Variants in DNAJC6 observed in about 807,000 individuals in gnomAD.
DNAJC6 encodes the protein DnaJ heat shock protein family (Hsp40) member C6.
In DNAJC6, 34 loss-of-function variants were observed where a neutral mutation model predicts 110.0. The observed-to-expected ratio is 0.31, with a 90% CI of 0.24 to 0.41. DNAJC6 has a LOEUF of 0.41. Ranked by LOEUF, DNAJC6 falls within the 10% of genes least tolerant of loss-of-function variation. The probability of loss-of-function intolerance (pLI) is 1.00; values close to 1 mark genes in which losing one functional copy is unlikely to be tolerated. For synonymous variants in DNAJC6, 406 were observed against 437.2 expected, an observed-to-expected ratio of 0.93 and a Z score of 0.89; for missense variants, 1,031 against 1,207.8, an observed-to-expected ratio of 0.85 and a Z score of 2.17.
intron 1 of DNAJC6, chr1:65,345,653 C>T (rs895947969): frequency 5.2e-6 from 5 of 965,524 alleles, no homozygotes; most frequent in Middle Eastern, 1.1e-3. Flanking sequence ...AAAAGTAACA[C>T]GTGGAGAGTC....
intron 14 of DNAJC6, among the ~76,000 whole-genome samples, chr1:65,399,141 A>G (rs566079192): frequency 6.6e-6 from 1 of 152,192 alleles, no homozygotes; most frequent in South Asian, 2.1e-4. Context: ...GGATATAAAT[A>G]TATATCAAAC....
At chr1:65,273,800 A>C (rs548326519) in intron 1 of DNAJC6, among the ~76,000 whole-genome samples, 6 of 152,072 alleles carry the variant, frequency 3.9e-5, no homozygotes, top group African/African-American at 1.2e-4. Context: ...TCTTTTTGCC[A>C]TTGATTTCTA....
chr1:65,378,520 T>C (rs1274860513), intron 4 of DNAJC6, among the ~76,000 whole-genome samples: 1 of 152,224 alleles, frequency 6.6e-6, no homozygotes, highest in Non-Finnish European at 1.5e-5. Flanking sequence ...TTCACCACAT[T>C]TTATGAAGAA....
chr1:65,379,775 A>C, intron 5 of DNAJC6: 1 of 330,056 alleles, frequency 3.0e-6, no homozygotes, highest in Non-Finnish European at 5.4e-6. Flanking sequence ...TGTGCTAAGT[A>C]TTATAAAGGA....
rs760839023 is a variant in DNAJC6 at position 65,395,031 on chromosome 1, T to A, written c.2037T>A (p.His679Gln). The change falls in exon 13 of 19, where the codon CAT becomes CAA. Residue 679 changes from histidine to glutamine, a missense_variant and splice_region_variant. Transcript: ENST00000371069. ...QPTRSPSPTV[H>Q]ASSTPAVNIQ... ...CAAGAAGTCCTTCGCCCACAGTACA[T>A]GGTAAGGAAATATTTTATATTGTGT... 6.2e-7 allele frequency: 1 copy of A among 1,604,976 alleles called. No individual in the cohort carries two copies. Among genetic ancestry groups the A allele is most frequent in the African/African-American group, 1.3e-5 (1 of 74,170 alleles).
chr1:65,368,684 C>CCTTCCTCCTCCTCTTCCTCCTCCT (rs141270845), intron 4 of DNAJC6, among the ~76,000 whole-genome samples: 12 of 129,576 alleles, frequency 9.3e-5, no homozygotes, highest in African/African-American at 3.1e-4. Flanking sequence ...TCCCTTCCTC[C>CCTTCCTCCTCCTCTTCCTCCTCCT]CTTCCTCCTC....
chr1:65,279,399 C>G (rs1444443107), intron 1 of DNAJC6: 1 of 152,980 alleles, frequency 6.5e-6, no homozygotes. Context: ...TGTCTCCTCC[C>G]CCTCTTGCCC....
intron 1 of DNAJC6, among the ~76,000 whole-genome samples, chr1:65,285,962 TG>T (rs1291213903): frequency 2.0e-5 from 3 of 152,214 alleles, no homozygotes; most frequent in Non-Finnish European, 4.4e-5. Flanking sequence ...TGAGCCACCA[TG>T]CCCCACTTTA....
At position 65,343,276 on chromosome 1, in the gene DNAJC6, T is replaced by C. The variant is rs201650982; in HGVS notation, c.194-21359T>C. On this transcript the variant is annotated intron_variant, in intron 1 of 18. Transcript: ENST00000371069. ...GTTGGATGAGGATTTATGCATATAA[T>C]TTTTTTGTCCGAAGAGCAGATGGAA... Among the ~76,000 whole-genome samples, 10 of 152,248 alleles carry C rather than the reference T, an allele frequency of 6.6e-5. No individual in the cohort carries two copies. The East Asian group carries it at 1.9e-3, about 29-fold the overall frequency.
chr1:65,286,016 C>T (rs1426879920), intron 1 of DNAJC6, among the ~76,000 whole-genome samples: 1 of 152,204 alleles, frequency 6.6e-6, no homozygotes, highest in African/African-American at 2.4e-5. Context: ...ACCCAGCACT[C>T]TGCCTACCAC....
chr1:65,392,064 C>G (rs1158958536), intron 11 of DNAJC6, among the ~76,000 whole-genome samples: 1 of 152,174 alleles, frequency 6.6e-6, no homozygotes, highest in Non-Finnish European at 1.5e-5. Flanking sequence ...GTGTGAACCA[C>G]CACGCCCGGC....
intron 8 of DNAJC6, among the ~76,000 whole-genome samples, chr1:65,387,869 A>T (rs773688944): frequency 6.6e-6 from 1 of 152,322 alleles, no homozygotes; most frequent in South Asian, 2.1e-4. Flanking sequence ...CTCTGCCTTT[A>T]AGGGACTCAA....
chr1:65,360,265 G>A (rs937706594), intron 1 of DNAJC6, among the ~76,000 whole-genome samples: 1 of 152,126 alleles, frequency 6.6e-6, no homozygotes, highest in Admixed American at 6.6e-5. Context: ...GTGTGGCCTT[G>A]CCAGTTCAAC....
chr1:65,389,741 C>CA, intron 11 of DNAJC6, 114 bp downstream of exon 11: 1 of 1,158,938 alleles, frequency 8.6e-7, no homozygotes, highest in Non-Finnish European at 1.3e-6. Context: ...GTCATTCAAT[C>CA]CAGGCACACG....
intron 1 of DNAJC6, among the ~76,000 whole-genome samples, chr1:65,300,256 A>G (rs1385005147): frequency 1.3e-5 from 2 of 151,976 alleles, no homozygotes; most frequent in East Asian, 3.9e-4. Flanking sequence ...GGGTTCTTCT[A>G]TTTTACTGTT....
At chr1:65,303,190 T>C (rs1645005540) in intron 1 of DNAJC6, among the ~76,000 whole-genome samples, 1 of 152,192 alleles carries the variant, frequency 6.6e-6, no homozygotes, top group Non-Finnish European at 1.5e-5. Context: ...GTATTTTCAT[T>C]CAATTAGCAG....
At chr1:65,345,974 A>G (rs1444364839) in intron 1 of DNAJC6, among the ~76,000 whole-genome samples, 1 of 152,118 alleles carries the variant, frequency 6.6e-6, no homozygotes, top group African/African-American at 2.4e-5. Flanking sequence ...TGCCCTAGAG[A>G]CCAGTGAAAC....
At chr1:65,292,573 G>A (rs1000596757) in intron 1 of DNAJC6, among the ~76,000 whole-genome samples, 7 of 151,622 alleles carry the variant, frequency 4.6e-5, no homozygotes, top group African/African-American at 1.7e-4. Context: ...TGGGACCACA[G>A]GCACACACCA....
chr1:65,350,190 G>T (rs988511985), intron 1 of DNAJC6, among the ~76,000 whole-genome samples: 7 of 152,050 alleles, frequency 4.6e-5, no homozygotes, highest in African/African-American at 1.7e-4. Context: ...GCATGATGTT[G>T]TCTCACAGGT....
Sources: gnomAD v4.1 joint callset for allele counts (sites outside exome capture counted in the v4.1 genomes callset) on GRCh38, gnomAD v4.1.1 for gene constraint, MANE v1.5 for transcripts, NCBI Gene and HGNC (gene_info 2026-07-23, HGNC 2026-07-21) for gene names.